The following MARCHF1 variants were observed in gnomAD, a reference collection of about 807,000 sequenced individuals.
MARCHF1 encodes the protein membrane associated ring-CH-type finger 1.
Under a neutral mutation model 54.2 loss-of-function variants are expected in MARCHF1, and 40 were observed. The observed-to-expected ratio is 0.74, with a 90% CI of 0.57 to 0.96. The LOEUF is 0.96. MARCHF1 is among the 40% of genes least tolerant of loss of function. The pLI, the probability that MARCHF1 is intolerant of heterozygous loss-of-function variation, is 0.00. For missense variants in MARCHF1, 586 were observed against 656.5 expected (o/e 0.89, Z 1.17); for synonymous variants, 236 against 236.3 (o/e 1.00, Z 0.01).
Position 164,175,424 on chromosome 4 carries a change from T to TC in MARCHF1, c.-322-63763dup, listed in dbSNP as rs1209387509. Among the ~76,000 whole-genome samples, 10 of 152,292 alleles carry TC rather than the reference T, an allele frequency of 6.6e-5. No individual in the cohort carries two copies. In the East Asian group the frequency reaches 1.7e-3, roughly 26 times the overall value. ...TCAATACTATTTCCTTTACTTTTTTTCCCAAGGCAATATAATTTCTATATA... is the reference window on the plus strand; with the variant it reads ...TCAATACTATTTCCTTTACTTTTTTTCCCCAAGGCAATATAATTTCTATATA... On this transcript the variant is annotated intron_variant, in intron 1 of 9. Transcript: ENST00000514618.
chr4:164,247,451 C>G (rs933551287), intron 1 of MARCHF1, among the ~76,000 whole-genome samples: 1 of 151,418 alleles, frequency 6.6e-6, no homozygotes, highest in Non-Finnish European at 1.5e-5. Context: ...ACTCTGGTGA[C>G]TGTTGTGGGG....
chr4:164,261,071 G>A (rs1733448204), intron 1 of MARCHF1, among the ~76,000 whole-genome samples: 1 of 152,038 alleles, frequency 6.6e-6, no homozygotes, highest in Non-Finnish European at 1.5e-5. Context: ...CGGGGAGGAT[G>A]CCATATGAGA....
At chr4:164,192,254 T>C (rs1731143158) in intron 1 of MARCHF1, among the ~76,000 whole-genome samples, 1 of 152,216 alleles carries the variant, frequency 6.6e-6, no homozygotes, top group Non-Finnish European at 1.5e-5. Flanking sequence ...AATTTGTTGA[T>C]TATATTTTAA....
intron 7 of MARCHF1, among the ~76,000 whole-genome samples, chr4:163,590,564 T>C (rs910109910): frequency 6.6e-6 from 1 of 152,164 alleles, no homozygotes; most frequent in African/African-American, 2.4e-5. Context: ...CTTCAAGAAC[T>C]CTATCACCAA....
chr4:163,983,317 G>A (rs1236872688), intron 3 of MARCHF1, among the ~76,000 whole-genome samples: 1 of 152,044 alleles, frequency 6.6e-6, no homozygotes, highest in African/African-American at 2.4e-5. Context: ...AAGATTAAGA[G>A]GCCTTGATGA....
chr4:163,628,763 CAGAG>C (rs1560983694), intron 5 of MARCHF1, among the ~76,000 whole-genome samples: 2 of 151,984 alleles, frequency 1.3e-5, no homozygotes, highest in African/African-American at 4.8e-5. Flanking sequence ...AACAGACAAA[CAGAG>C]AGAGCCAAAT....
At chr4:163,792,335 A>T (rs925650688) in intron 4 of MARCHF1, among the ~76,000 whole-genome samples, 9 of 152,190 alleles carry the variant, frequency 5.9e-5, no homozygotes, top group Admixed American at 5.2e-4. Flanking sequence ...TTAAATGGTC[A>T]TCTTAATTTT....
At chr4:163,972,538 G>GT (rs1752566612) in intron 3 of MARCHF1, among the ~76,000 whole-genome samples, 1 of 151,880 alleles carries the variant, frequency 6.6e-6, no homozygotes, top group Non-Finnish European at 1.5e-5. Flanking sequence ...TAATGTATAT[G>GT]TTTTTGTTTT....
intron 2 of MARCHF1, among the ~76,000 whole-genome samples, chr4:164,007,644 CTCTGTGTGTGTGTGTGTG>C (rs1206346090): frequency 5.9e-5 from 6 of 101,672 alleles, no homozygotes; most frequent in Admixed American, 4.9e-4. Flanking sequence ...CTCTCTCTCT[CTCTGTGTGTGTGTGTGTG>C]TGTGTGTGTG....
chr4:163,618,183 A>G (rs1446135927), intron 5 of MARCHF1, among the ~76,000 whole-genome samples: 1 of 152,194 alleles, frequency 6.6e-6, no homozygotes, highest in Non-Finnish European at 1.5e-5. Context: ...GTGGGCTGCC[A>G]TAGCAGATAC....
intron 2 of MARCHF1, among the ~76,000 whole-genome samples, chr4:164,049,956 TG>T: frequency 6.6e-6 from 1 of 152,280 alleles, no homozygotes; most frequent in Non-Finnish European, 1.5e-5. Context: ...TGCCTAACAT[TG>T]GGCATCTCAA....
intron 1 of MARCHF1, among the ~76,000 whole-genome samples, chr4:164,316,962 C>T (rs1400809876): frequency 3.9e-5 from 6 of 152,162 alleles, no homozygotes; most frequent in Non-Finnish European, 7.3e-5. Flanking sequence ...GCCTGTATAG[C>T]CTGCAAAACC....
intron 8 of MARCHF1, among the ~76,000 whole-genome samples, chr4:163,566,194 C>A (rs1739638949): frequency 6.6e-6 from 1 of 152,206 alleles, no homozygotes; most frequent in Admixed American, 6.5e-5. Context: ...TTTTCTTTGG[C>A]TTAAACTGCA....
chr4:163,962,560 A>G (rs1271301643), intron 3 of MARCHF1, among the ~76,000 whole-genome samples: 4 of 151,944 alleles, frequency 2.6e-5, no homozygotes, highest in Non-Finnish European at 5.9e-5. Flanking sequence ...TTGTATCCGT[A>G]TTGTGTACTA....
At chr4:163,719,033 C>G (rs896913071) in intron 4 of MARCHF1, among the ~76,000 whole-genome samples, 1 of 152,030 alleles carries the variant, frequency 6.6e-6, no homozygotes, top group Non-Finnish European at 1.5e-5. Context: ...TCAAGCTCAT[C>G]TTTTTTATTT....
chr4:163,971,654 C>T (rs997808338), intron 3 of MARCHF1, among the ~76,000 whole-genome samples: 3 of 152,124 alleles, frequency 2.0e-5, no homozygotes, highest in Non-Finnish European at 4.4e-5. Context: ...GAAACTAAAA[C>T]TCAATAAATG....
chr4:164,241,342 A>C (rs1341924649), intron 1 of MARCHF1, among the ~76,000 whole-genome samples: 1 of 152,128 alleles, frequency 6.6e-6, no homozygotes. Context: ...CCCTGCGATA[A>C]TTAAGCTCTT....
chr4:163,556,908 G>T (rs1341467834), intron 8 of MARCHF1, among the ~76,000 whole-genome samples: 3 of 150,044 alleles, frequency 2.0e-5, no homozygotes, highest in Non-Finnish European at 4.4e-5. Context: ...TTAAAGAGAA[G>T]ATTCTTTTGG....
intron 2 of MARCHF1, among the ~76,000 whole-genome samples, chr4:164,082,106 T>G (rs1755114263): frequency 1.3e-5 from 2 of 152,204 alleles, no homozygotes; most frequent in Admixed American, 1.3e-4. Context: ...GGAGGCTACT[T>G]TCCCCAAAGC....
Sources: gnomAD v4.1 joint callset for allele counts (sites outside exome capture counted in the v4.1 genomes callset) on GRCh38, gnomAD v4.1.1 for gene constraint, MANE v1.5 for transcripts, NCBI Gene and HGNC (gene_info 2026-07-23, HGNC 2026-07-21) for gene names.